The following PDZRN3 variants were observed in gnomAD, a reference collection of about 807,000 sequenced individuals.
PDZRN3 encodes the protein PDZ domain containing ring finger 3.
In PDZRN3, 38 loss-of-function variants were observed where a neutral mutation model predicts 85.7. The ratio of observed to expected loss-of-function variants is 0.44; its 90% CI spans 0.34 to 0.58. PDZRN3 has a LOEUF of 0.58. PDZRN3 is among the 20% of genes least tolerant of loss of function. PDZRN3 has a pLI of 0.01. For missense variants in PDZRN3, 1,629 were observed against 1,506.4 expected (o/e 1.08, Z -1.35); for synonymous variants, 759 against 638.0 (o/e 1.19, Z -2.86).
intron 1 of PDZRN3, among the ~76,000 whole-genome samples, chr3:73,608,945 A>G (rs543701204): frequency 2.6e-5 from 4 of 152,308 alleles, no homozygotes; most frequent in East Asian, 1.9e-4. Context: ...GACATGCCCA[A>G]TGAACATTTT....
At chr3:73,400,826 G>T in intron 5 of PDZRN3, 96 bp downstream of exon 5, 1 of 865,254 alleles carries the variant, frequency 1.2e-6, no homozygotes, top group Non-Finnish European at 2.0e-6. Flanking sequence ...ACTTTCCATC[G>T]GCATCCGTAA....
intron 1 of PDZRN3, among the ~76,000 whole-genome samples, chr3:73,615,856 A>G (rs1485453360): frequency 6.6e-6 from 1 of 152,208 alleles, no homozygotes; most frequent in Non-Finnish European, 1.5e-5. Flanking sequence ...ACCAACCAGA[A>G]GCATTTTCTT....
At chr3:73,472,074 C>G (rs1341413838) in intron 3 of PDZRN3, among the ~76,000 whole-genome samples, 2 of 150,744 alleles carry the variant, frequency 1.3e-5, no homozygotes, top group African/African-American at 5.0e-5. Flanking sequence ...GGAGAGAAAT[C>G]TAGGTGAAAG....
At chr3:73,554,939 CAT>C (rs1355268837) in intron 3 of PDZRN3, among the ~76,000 whole-genome samples, 2 of 152,188 alleles carry the variant, frequency 1.3e-5, no homozygotes, top group Non-Finnish European at 2.9e-5. Context: ...CATTTTTCCA[CAT>C]GATAAGGTCT....
At chr3:73,563,388 GC>G (rs1422188032) in intron 3 of PDZRN3, among the ~76,000 whole-genome samples, 53 of 152,058 alleles carry the variant, frequency 3.5e-4, no homozygotes, top group African/African-American at 1.3e-3. Context: ...TAAATCAAAA[GC>G]AGTGGTTAGG....
At chr3:73,555,659 G>A (rs888720217) in intron 3 of PDZRN3, among the ~76,000 whole-genome samples, 1 of 152,132 alleles carries the variant, frequency 6.6e-6, no homozygotes, top group Non-Finnish European at 1.5e-5. Flanking sequence ...AGGTAACACT[G>A]ACAGAAAATA....
chr3:73,521,500 A>G (rs1559720250), intron 3 of PDZRN3, among the ~76,000 whole-genome samples: 2 of 151,950 alleles, frequency 1.3e-5, no homozygotes, highest in Non-Finnish European at 2.9e-5. Context: ...CACGACCTAA[A>G]AACTTGTTGA....
intron 3 of PDZRN3, among the ~76,000 whole-genome samples, chr3:73,444,931 G>A (rs1255454240): frequency 5.9e-5 from 9 of 152,228 alleles, no homozygotes; most frequent in Admixed American, 5.9e-4. Flanking sequence ...TACATGGGCT[G>A]TGGTGCCTAG....
intron 3 of PDZRN3, among the ~76,000 whole-genome samples, chr3:73,426,512 C>T (rs1007124766): frequency 6.6e-6 from 1 of 151,932 alleles, no homozygotes; most frequent in Non-Finnish European, 1.5e-5. Context: ...AGTTCTCAAA[C>T]AAAACAATTT....
At chr3:73,569,158 A>G in intron 3 of PDZRN3, 1 of 1,289,146 alleles carries the variant, frequency 7.8e-7, no homozygotes, top group South Asian at 1.2e-5. Flanking sequence ...CACCTGGTTA[A>G]TCATGTTTGA....
intron 3 of PDZRN3, among the ~76,000 whole-genome samples, chr3:73,481,829 T>A (rs980304153): frequency 2.0e-5 from 3 of 152,174 alleles, no homozygotes; most frequent in African/African-American, 7.2e-5. Flanking sequence ...AATCATTTTA[T>A]AGAAAAGAAC....
At position 73,426,095 on chromosome 3, in the gene PDZRN3, C is replaced by T. The variant is rs369925889; in HGVS notation, c.919-21700G>A. Among the ~76,000 whole-genome samples, 182 of 151,888 alleles carry T rather than the reference C, an allele frequency of 1.2e-3. 3 individuals are homozygous for T. Among genetic ancestry groups the T allele is most frequent in the African/African-American group, 4.3e-3 (180 of 41,408 alleles). On this transcript the variant is annotated intron_variant, in intron 3 of 9. Coordinates refer to ENST00000263666, the MANE Select transcript of PDZRN3 (RefSeq NM_015009.3). ...GAGTATTTGTAGGAGCAGGGGGTGTCTTGTTTAGGAGGATATAGGATAATG... is the reference window on the plus strand; with the variant it reads ...GAGTATTTGTAGGAGCAGGGGGTGTTTTGTTTAGGAGGATATAGGATAATG...
chr3:73,456,904 T>C (rs1026887889), intron 3 of PDZRN3, among the ~76,000 whole-genome samples: 2 of 152,032 alleles, frequency 1.3e-5, no homozygotes, highest in African/African-American at 2.4e-5. Context: ...CTGCTGATTT[T>C]TGAGAGGATG....
chr3:73,403,753 G>T (rs1448710985), intron 4 of PDZRN3, among the ~76,000 whole-genome samples: 1 of 152,078 alleles, frequency 6.6e-6, no homozygotes. Flanking sequence ...AAAGCAGAAG[G>T]CACAACCTCC....
At chr3:73,600,486 C>T (rs1311279143) in intron 3 of PDZRN3, among the ~76,000 whole-genome samples, 1 of 152,104 alleles carries the variant, frequency 6.6e-6, no homozygotes, top group Non-Finnish European at 1.5e-5. Flanking sequence ...AATTTGACTG[C>T]AAAAGGCACA....
At chr3:73,454,423 T>C (rs1464128225) in intron 3 of PDZRN3, among the ~76,000 whole-genome samples, 1 of 152,162 alleles carries the variant, frequency 6.6e-6, no homozygotes, top group Non-Finnish European at 1.5e-5. Context: ...AACATCAATG[T>C]GTCTCCAGAC....
At chr3:73,433,599 G>A in intron 3 of PDZRN3, 1 of 1,352,552 alleles carries the variant, frequency 7.4e-7, no homozygotes, top group South Asian at 1.2e-5. Context: ...GGCCAGGTGG[G>A]TGCCTATGCA....
chr3:73,474,705 A>G, intron 3 of PDZRN3: 1 of 842,676 alleles, frequency 1.2e-6, no homozygotes. Context: ...GAGCAGCAGG[A>G]GCCCCATCCA....
chr3:73,551,397 C>T (rs573292511), intron 3 of PDZRN3, among the ~76,000 whole-genome samples: 28 of 152,174 alleles, frequency 1.8e-4, no homozygotes, highest in Admixed American at 2.6e-4. Context: ...TTGAAACTTA[C>T]GGAGGCCAGG....
Sources: gnomAD v4.1 joint callset for allele counts (sites outside exome capture counted in the v4.1 genomes callset) on GRCh38, gnomAD v4.1.1 for gene constraint, MANE v1.5 for transcripts, NCBI Gene and HGNC (gene_info 2026-07-23, HGNC 2026-07-21) for gene names.